Variants in ITPRID1 observed in about 807,000 individuals in gnomAD.
ITPRID1 encodes ITPR interacting domain containing 1.
A neutral mutation model predicts 95.4 loss-of-function variants in ITPRID1; 96 were observed. The ratio of observed to expected loss-of-function variants is 1.01; its 90% CI spans 0.85 to 1.19. The LOEUF is 1.19. Among genes scored for constraint, ITPRID1 ranks in the 50% most tolerant of loss-of-function variants. The pLI is 0.00. For synonymous variants in ITPRID1, 510 were observed against 453.6 expected, an observed-to-expected ratio of 1.12 and a Z score of -1.58; for missense variants, 1,339 against 1,252.9, an observed-to-expected ratio of 1.07 and a Z score of -1.04.
intron 10 of ITPRID1, among the ~76,000 whole-genome samples, chr7:31,619,314 G>C (rs527896718): frequency 1.6e-4 from 24 of 152,282 alleles, no homozygotes; most frequent in African/African-American, 5.8e-4. Context: ...CATAAAGTTA[G>C]TGATTTATTC....
chr7:31,657,738 A>T (rs1791367048), downstream of ITPRID1, among the ~76,000 whole-genome samples: 1 of 152,192 alleles, frequency 6.6e-6, no homozygotes, highest in African/African-American at 2.4e-5. Flanking sequence ...GCAAATCCAG[A>T]TCACATATTT....
At chr7:31,634,560 A>G (rs1789308345) in intron 10 of ITPRID1, among the ~76,000 whole-genome samples, 1 of 152,192 alleles carries the variant, frequency 6.6e-6, no homozygotes, top group Non-Finnish European at 1.5e-5. Flanking sequence ...ACTCCAGTAG[A>G]GCAGGCTTCA....
Position 31,514,430 on chromosome 7 carries a change from TG to T in ITPRID1, c.-98+311del, listed in dbSNP as rs560900791. 2.5e-3 allele frequency among the ~76,000 whole-genome samples: 384 copies of T among 152,224 alleles called. 1 individual carries two copies. Among genetic ancestry groups the T allele is most frequent in the African/African-American group, 8.6e-3 (356 of 41,516 alleles). ...GCTGTTGGTGATAAAGGAGTTGAAA[TG>T]TAAGAAGGAATATTGAGTATTGGCC... On this transcript the variant is annotated intron_variant, in intron 1 of 14. Transcript: ENST00000615280.
At chr7:31,615,753 T>TTTTC (rs1554292904) in intron 10 of ITPRID1, among the ~76,000 whole-genome samples, 1 of 5,474 alleles carries the variant, frequency 1.8e-4, no homozygotes, top group African/African-American at 3.0e-4. Flanking sequence ...CTGAGAATTC[T>TTTTC]TTTTTTTTTT....
chr7:31,625,443 T>TA (rs1269112922), intron 10 of ITPRID1, among the ~76,000 whole-genome samples: 1 of 152,056 alleles, frequency 6.6e-6, no homozygotes, highest in Non-Finnish European at 1.5e-5. Flanking sequence ...TATGCAGCCA[T>TA]AAAAAATGAT....
intron 1 of ITPRID1, among the ~76,000 whole-genome samples, chr7:31,534,585 A>G (rs1482143873): frequency 2.6e-5 from 4 of 151,882 alleles, no homozygotes; most frequent in African/African-American, 4.8e-5. Context: ...CAGCTTTCTC[A>G]TGCTTGGTGT....
At position 31,551,888 on chromosome 7, in the gene ITPRID1, C is replaced by T. The variant is rs755486258; in HGVS notation, c.-23-1114C>T. The T allele has an allele frequency of 4.8e-5, 20 of 414,962 alleles. 3 individuals are homozygous for T. The highest frequency in any genetic ancestry group is 2.6e-4 in the South Asian group (15 of 58,336). The allele number at this position is 414,962 out of a possible 1,614,324, so 25.7% of individuals were successfully genotyped here. On this transcript the variant is annotated intron_variant, in intron 2 of 14. Transcript: ENST00000615280. ...CATTTCTGTAAACTTGAAGGATAAA[C>T]GAATGCAAATTAAAGCATATGTCAT...
chr7:31,517,026 G>A (rs867650835), intron 1 of ITPRID1, among the ~76,000 whole-genome samples: 2 of 152,216 alleles, frequency 1.3e-5, no homozygotes, highest in Non-Finnish European at 2.9e-5. Context: ...CCGTGTTACA[G>A]CTCTTAAAAC....
intron 10 of ITPRID1, among the ~76,000 whole-genome samples, chr7:31,615,798 G>A (rs1350496822): frequency 1.3e-5 from 2 of 151,298 alleles, no homozygotes; most frequent in Non-Finnish European, 2.9e-5. Context: ...CTGTTGCCCA[G>A]GCTGGAGTGC....
At chr7:31,623,240 CCTAACTCATTTT>C (rs1418646552) in intron 10 of ITPRID1, among the ~76,000 whole-genome samples, 1 of 152,058 alleles carries the variant, frequency 6.6e-6, no homozygotes, top group Non-Finnish European at 1.5e-5. Flanking sequence ...GGGAATCCTC[CCTAACTCATTTT>C]CTGAGGCCAG....
intron 10 of ITPRID1, among the ~76,000 whole-genome samples, chr7:31,607,875 ATTAAAT>A (rs1422043950): frequency 6.6e-6 from 1 of 151,800 alleles, no homozygotes; most frequent in East Asian, 1.9e-4. Context: ...CAGCACTTTA[ATTAAAT>A]TTATTTCTGT....
intron 10 of ITPRID1, among the ~76,000 whole-genome samples, chr7:31,590,821 T>G (rs1258766628): frequency 6.6e-6 from 1 of 152,248 alleles, no homozygotes; most frequent in East Asian, 1.9e-4. Flanking sequence ...TCTAAGTGTT[T>G]CACATGCTTT....
At chr7:31,519,620 C>CTCTCTCTATATATA in intron 1 of ITPRID1, among the ~76,000 whole-genome samples, 12 of 25,260 alleles carry the variant, frequency 4.8e-4, no homozygotes, top group South Asian at 4.1e-3. Flanking sequence ...CTCTCTCTCT[C>CTCTCTCTATATATA]TATATATATA....
chr7:31,620,757 G>A (rs1787791381), intron 10 of ITPRID1, among the ~76,000 whole-genome samples: 1 of 152,164 alleles, frequency 6.6e-6, no homozygotes, highest in Admixed American at 6.5e-5. Context: ...AAAGCTGGAT[G>A]GAGAATGACT....
At chr7:31,523,665 TC>T (rs1226229274) in intron 1 of ITPRID1, among the ~76,000 whole-genome samples, 2 of 152,174 alleles carry the variant, frequency 1.3e-5, no homozygotes, top group Non-Finnish European at 2.9e-5. Flanking sequence ...ATGTGTGGCA[TC>T]CCCACCTCTT....
chr7:31,538,240 A>ACACACACACACGTGCGCATG (rs1783824079), intron 1 of ITPRID1, among the ~76,000 whole-genome samples: 1 of 8,020 alleles, frequency 1.2e-4, no homozygotes, highest in Non-Finnish European at 2.0e-3. Flanking sequence ...GTCTGTCTCT[A>ACACACACACACGTGCGCATG]CACACACACA....
intron 1 of ITPRID1, among the ~76,000 whole-genome samples, chr7:31,515,865 G>T (rs887184315): frequency 6.6e-6 from 1 of 152,168 alleles, no homozygotes; most frequent in African/African-American, 2.4e-5. Flanking sequence ...AAGGGAGCAG[G>T]GAACAAGCAG....
At chr7:31,644,290 G>A (rs1430176698) in intron 12 of ITPRID1, among the ~76,000 whole-genome samples, 3 of 70,762 alleles carry the variant, frequency 4.2e-5, no homozygotes, top group African/African-American at 1.1e-4. Context: ...TTCTAGCTGA[G>A]AAGTTCTGTG....
At chr7:31,624,984 AAAG>A (rs1431528631) in intron 10 of ITPRID1, among the ~76,000 whole-genome samples, 1 of 152,242 alleles carries the variant, frequency 6.6e-6, no homozygotes, top group Non-Finnish European at 1.5e-5. Context: ...ACACTTCTCA[AAAG>A]AAGACATTTA....
Sources: gnomAD v4.1 joint callset for allele counts (sites outside exome capture counted in the v4.1 genomes callset) on GRCh38, gnomAD v4.1.1 for gene constraint, MANE v1.5 for transcripts, NCBI Gene and HGNC (gene_info 2026-07-23, HGNC 2026-07-21) for gene names.